The following DACH1 variants were observed in gnomAD, a reference collection of about 807,000 sequenced individuals.
The protein encoded by DACH1 is dachshund family transcription factor 1.
Under a neutral mutation model 54.2 loss-of-function variants are expected in DACH1, and 12 were observed. The ratio of observed to expected loss-of-function variants is 0.22; its 90% CI spans 0.14 to 0.36. The LOEUF (loss-of-function observed/expected upper bound fraction) is 0.36. DACH1 is among the 10% of genes least tolerant of loss of function. The pLI is 1.00. For missense variants in DACH1, 805 were observed against 929.8 expected (o/e 0.87, Z 1.75); for synonymous variants, 386 against 366.2 (o/e 1.05, Z -0.62).
At chr13:71,526,725 TAG>T (rs890159011) in intron 6 of DACH1, among the ~76,000 whole-genome samples, 3 of 150,236 alleles carry the variant, frequency 2.0e-5, no homozygotes, top group African/African-American at 7.3e-5. Flanking sequence ...TATATATATA[TAG>T]GTATATATAT....
intron 6 of DACH1, among the ~76,000 whole-genome samples, chr13:71,539,385 AC>A (rs926284566): frequency 2.0e-5 from 3 of 152,090 alleles, no homozygotes; most frequent in African/African-American, 7.2e-5. Flanking sequence ...GTTGTGGACT[AC>A]AGAAAATCTT....
intron 10 of DACH1, among the ~76,000 whole-genome samples, chr13:71,468,894 G>A (rs1957698969): frequency 6.6e-6 from 1 of 152,150 alleles, no homozygotes; most frequent in Non-Finnish European, 1.5e-5. Flanking sequence ...AATGGCTGAT[G>A]AAAAAGTAAA....
At chr13:71,751,397 G>C (rs979727893) in intron 1 of DACH1, among the ~76,000 whole-genome samples, 2 of 152,148 alleles carry the variant, frequency 1.3e-5, no homozygotes, top group African/African-American at 4.8e-5. Context: ...AATTGAAACT[G>C]TTTACAGAGG....
At chr13:71,564,701 TCTC>T (rs1390823019) in intron 4 of DACH1, among the ~76,000 whole-genome samples, 7 of 152,138 alleles carry the variant, frequency 4.6e-5, no homozygotes, top group African/African-American at 7.2e-5. Context: ...TTATCTCAGT[TCTC>T]CTCTCTGCAC....
intron 6 of DACH1, among the ~76,000 whole-genome samples, chr13:71,499,938 T>C (rs1181245338): frequency 6.6e-6 from 1 of 152,098 alleles, no homozygotes; most frequent in East Asian, 1.9e-4. Context: ...AGTAGATGCA[T>C]AGTGCACCCA....
chr13:71,527,990 A>G (rs765459152), intron 6 of DACH1, among the ~76,000 whole-genome samples: 1 of 152,128 alleles, frequency 6.6e-6, no homozygotes, highest in Non-Finnish European at 1.5e-5. Flanking sequence ...GATGATAACA[A>G]TGTTATGGGA....
At chr13:71,624,061 C>T (rs1297288413) in intron 3 of DACH1, among the ~76,000 whole-genome samples, 1 of 151,778 alleles carries the variant, frequency 6.6e-6, no homozygotes, top group African/African-American at 2.4e-5. Context: ...GTTTAAAATA[C>T]ATAATGAAGA....
intron 1 of DACH1, among the ~76,000 whole-genome samples, chr13:71,827,826 G>T (rs1480763635): frequency 6.6e-6 from 1 of 151,972 alleles, no homozygotes; most frequent in Non-Finnish European, 1.5e-5. Flanking sequence ...TTAAGGCAAA[G>T]ATTAAATAGC....
At chr13:71,698,940 A>T (rs1462998910) in intron 1 of DACH1, among the ~76,000 whole-genome samples, 1 of 152,152 alleles carries the variant, frequency 6.6e-6, no homozygotes, top group Non-Finnish European at 1.5e-5. Context: ...ATTATTTTTC[A>T]CACACCAGGG....
intron 3 of DACH1, among the ~76,000 whole-genome samples, chr13:71,577,492 G>T (rs545020621): frequency 1.3e-5 from 2 of 152,284 alleles, no homozygotes; most frequent in African/African-American, 4.8e-5. Flanking sequence ...AAAGGAAGAA[G>T]GTGGTTGTTC....
intron 6 of DACH1, among the ~76,000 whole-genome samples, chr13:71,491,160 T>G (rs1439053877): frequency 6.6e-6 from 1 of 152,204 alleles, no homozygotes; most frequent in Non-Finnish European, 1.5e-5. Context: ...CATAAATTTA[T>G]GTAGCCAGTA....
chr13:71,539,375 G>A (rs1882997994), intron 6 of DACH1, among the ~76,000 whole-genome samples: 1 of 151,994 alleles, frequency 6.6e-6, no homozygotes, highest in Non-Finnish European at 1.5e-5. Flanking sequence ...CACCCTTTCA[G>A]TTGTGGACTA....
chr13:71,801,735 T>C (rs1887295751), intron 1 of DACH1, among the ~76,000 whole-genome samples: 1 of 152,104 alleles, frequency 6.6e-6, no homozygotes, highest in Non-Finnish European at 1.5e-5. Context: ...TGCCCCAGAC[T>C]TTAAAACATA....
chr13:71,635,933 A>G (rs1485274106), intron 2 of DACH1, among the ~76,000 whole-genome samples: 1 of 151,900 alleles, frequency 6.6e-6, no homozygotes, highest in Non-Finnish European at 1.5e-5. Context: ...GGCAAACACC[A>G]CCAGGTCTGG....
chr13:71,718,902 T>C (rs1307500609), intron 1 of DACH1, among the ~76,000 whole-genome samples: 1 of 152,212 alleles, frequency 6.6e-6, no homozygotes, highest in Admixed American at 6.5e-5. Flanking sequence ...AACATTCCCA[T>C]TTATAAACCA....
intron 10 of DACH1, among the ~76,000 whole-genome samples, chr13:71,462,091 G>A (rs142737920): frequency 6.6e-6 from 1 of 151,810 alleles, no homozygotes; most frequent in African/African-American, 2.4e-5. Flanking sequence ...ATAATTTGTA[G>A]CCATCATTCA....
At chr13:71,739,193 G>A (rs1884279792) in intron 1 of DACH1, among the ~76,000 whole-genome samples, 1 of 151,944 alleles carries the variant, frequency 6.6e-6, no homozygotes, top group Non-Finnish European at 1.5e-5. Flanking sequence ...TGGAGGTTGT[G>A]GTGAGCCGAG....
At chr13:71,556,907 A>G in intron 6 of DACH1, 117 bp downstream of exon 6, 2 of 1,161,754 alleles carry the variant, frequency 1.7e-6, no homozygotes, top group Non-Finnish European at 2.3e-6. Flanking sequence ...TGGATTTTAA[A>G]AACATTTATA....
intron 2 of DACH1, among the ~76,000 whole-genome samples, chr13:71,673,908 T>C (rs920523093): frequency 1.3e-5 from 2 of 152,172 alleles, no homozygotes; most frequent in African/African-American, 4.8e-5. Flanking sequence ...AAATAATGCC[T>C]TCCATACACT....
Sources: gnomAD v4.1 joint callset for allele counts (sites outside exome capture counted in the v4.1 genomes callset) on GRCh38, gnomAD v4.1.1 for gene constraint, MANE v1.5 for transcripts, NCBI Gene and HGNC (gene_info 2026-07-23, HGNC 2026-07-21) for gene names.